ANO4: variants seen among roughly 807,000 people sequenced by gnomAD.
ANO4 encodes anoctamin 4, also known as anoctamin-4.
A neutral mutation model predicts 141.9 loss-of-function variants in ANO4; 69 were observed. The observed-to-expected ratio is 0.49, with a 90% CI of 0.40 to 0.59. ANO4 has a LOEUF of 0.59. ANO4 is among the 20% of genes least tolerant of loss of function. ANO4 has a pLI of 0.00. For missense variants in ANO4, 894 were observed against 1,162.2 expected, an observed-to-expected ratio of 0.77 and a Z score of 3.36; for synonymous variants, 350 against 394.3, an observed-to-expected ratio of 0.89 and a Z score of 1.33.
chr12:100,776,001 A>C (rs2033489558), intron 3 of ANO4, among the ~76,000 whole-genome samples: 1 of 152,202 alleles, frequency 6.6e-6, no homozygotes, highest in Admixed American at 6.5e-5. Flanking sequence ...AAAAGCTAAC[A>C]GGCTGAATGA....
intron 1 of ANO4, among the ~76,000 whole-genome samples, chr12:100,870,058 A>G (rs2038955881): frequency 6.6e-6 from 1 of 152,204 alleles, no homozygotes; most frequent in Non-Finnish European, 1.5e-5. Flanking sequence ...AGAAAACAGA[A>G]TGCTCAAATT....
rs1050924259 is a variant in ANO4 at position 100,925,061 on chromosome 12, A to G, written c.160+2731A>G. On this transcript the variant is annotated intron_variant, in intron 3 of 27. Transcript: ENST00000392977. ...CCCTTTATAAGTTTATGCATTTTCT[A>G]TTGCTTTGGAACTAATTTATTTTCT... is the stretch of plus-strand genomic sequence containing the variant. Among the ~76,000 whole-genome samples, 8 of 152,192 alleles carry G rather than the reference A, an allele frequency of 5.3e-5. No homozygotes were observed. The East Asian group carries it at 1.2e-3, about 22-fold the overall frequency.
intron 1 of ANO4, among the ~76,000 whole-genome samples, chr12:100,803,822 C>T (rs905675066): frequency 6.6e-6 from 1 of 152,128 alleles, no homozygotes; most frequent in East Asian, 1.9e-4. Flanking sequence ...TAGCACAGTG[C>T]CTGCAAGATG....
At position 101,078,841 on chromosome 12, in the gene ANO4, A is replaced by T. The variant is rs117036923; in HGVS notation, c.1313-352A>T. Reference sequence around the variant, plus strand: ...AGGCAATAGAAAAAATAAAATAAAAAAAAATAAATGCTGTATCAATTAGAT... The same window carrying T: ...AGGCAATAGAAAAAATAAAATAAAATAAAATAAATGCTGTATCAATTAGAT... On this transcript the variant is annotated intron_variant, in intron 14 of 27. Transcript: ENST00000392977. Among the ~76,000 whole-genome samples, 170 of 152,340 alleles carry T rather than the reference A, an allele frequency of 1.1e-3. No individual in the cohort carries two copies. The East Asian group carries it at 0.019, about 17-fold the overall frequency.
At chr12:100,923,468 A>G (rs189536831) in intron 3 of ANO4, among the ~76,000 whole-genome samples, 71 of 151,272 alleles carry the variant, frequency 4.7e-4, no homozygotes, top group African/African-American at 1.6e-3. Flanking sequence ...ACATGAACTC[A>G]TCCTTTTTTA....
intron 8 of ANO4, among the ~76,000 whole-genome samples, chr12:100,989,750 TATGG>T (rs370125379): frequency 0.6 from 67,282 of 112,822 alleles, 17,761 homozygotes; most frequent in Non-Finnish European, 0.61. Context: ...TGGATGGATA[TATGG>T]ATGGATGGAT....
Position 100,733,887 on chromosome 12 carries a change from A to G in ANO4, c.106+30A>G, listed in dbSNP as rs193263021. 6.4e-4 allele frequency: 431 copies of G among 676,536 alleles called. 1 individual carries two copies. The highest frequency in any genetic ancestry group is 9.4e-4 in the East Asian group (34 of 36,208). The allele number at this position is 676,536 out of a possible 1,614,324, so 41.9% of individuals were successfully genotyped here. A position where few individuals can be genotyped will look rare whatever the true frequency, so the allele number is the denominator to read the frequency against. ...GCACTAGTGTCATTTTGATTTTTTT[A>G]AAAAAATATTATTGCCTGGAAAAGC... On this transcript the variant is annotated intron_variant, in intron 2 of 29. Transcript: ENST00000644049.
intron 14 of ANO4, among the ~76,000 whole-genome samples, chr12:101,066,035 A>G (rs546505240): frequency 6.6e-6 from 1 of 152,332 alleles, no homozygotes; most frequent in African/African-American, 2.4e-5. Context: ...AATTGATGAC[A>G]AAGAAAGAAT....
chr12:101,032,494 G>C (rs1023266800), intron 9 of ANO4, among the ~76,000 whole-genome samples: 4 of 152,264 alleles, frequency 2.6e-5, no homozygotes, highest in African/African-American at 9.6e-5. Context: ...AAGAGCTTCT[G>C]CACAGCAAAA....
chr12:100,936,431 G>C lies in ANO4; in HGVS notation c.161-2884G>C, dbSNP rs1875583. Reference sequence around the variant, plus strand: ...TATATCTCCAAACAATGTCAAATATGGTCTGGGAGACAAAACTGGTCCCAG... The same window carrying C: ...TATATCTCCAAACAATGTCAAATATCGTCTGGGAGACAAAACTGGTCCCAG... On this transcript the variant is annotated intron_variant, in intron 3 of 27. Coordinates refer to ENST00000392977, the MANE Select transcript of ANO4 (RefSeq NM_001286615.2). Among the ~76,000 whole-genome samples the C allele has an allele frequency of 3.6e-3, 545 of 152,198 alleles. 2 individuals carry two copies. The highest frequency in any genetic ancestry group is 8.9e-3 in the African/African-American group (368 of 41,524).
intron 14 of ANO4, among the ~76,000 whole-genome samples, chr12:101,063,715 A>G (rs1220834580): frequency 1.1e-5 from 1 of 87,622 alleles, no homozygotes; most frequent in East Asian, 3.6e-4. Context: ...AATCTTAGTC[A>G]TTTAATGGAT....
chr12:101,026,464 T>G (rs182933260), intron 9 of ANO4, among the ~76,000 whole-genome samples: 119 of 152,314 alleles, frequency 7.8e-4, no homozygotes, highest in Non-Finnish European at 1.5e-3. Flanking sequence ...CAAATTGATC[T>G]ATAGATTCAG....
chr12:101,044,534 A>G (rs1050262071), intron 13 of ANO4, among the ~76,000 whole-genome samples: 3 of 152,234 alleles, frequency 2.0e-5, no homozygotes, highest in African/African-American at 4.8e-5. Context: ...AGATTCAGAT[A>G]TAAATGGCAT....
intron 1 of ANO4, among the ~76,000 whole-genome samples, chr12:100,817,555 C>T (rs1403083074): frequency 6.6e-6 from 1 of 151,848 alleles, no homozygotes; most frequent in Non-Finnish European, 1.5e-5. Flanking sequence ...TACCGAGTCT[C>T]CTTACCAAAG....
At chr12:100,729,267 A>G (rs1176365886) in intron 1 of ANO4, among the ~76,000 whole-genome samples, 1 of 148,416 alleles carries the variant, frequency 6.7e-6, no homozygotes, top group Non-Finnish European at 1.5e-5. Context: ...TCTTATAAGT[A>G]TGAAATAAAA....
At chr12:100,747,809 G>A (rs2032182084) in intron 3 of ANO4, among the ~76,000 whole-genome samples, 1 of 152,216 alleles carries the variant, frequency 6.6e-6, no homozygotes, top group Non-Finnish European at 1.5e-5. Flanking sequence ...GGAGGTGAAG[G>A]TTGCAGTGAT....
At position 100,860,263 on chromosome 12, in the gene ANO4, G is replaced by T. The variant is rs2038400880; in HGVS notation, c.-140-41383G>T. Among the ~76,000 whole-genome samples the T allele has an allele frequency of 3.9e-5, 6 of 152,164 alleles. No homozygotes were observed. In the South Asian group the frequency reaches 1.2e-3, roughly 32 times the overall value. On this transcript the variant is annotated intron_variant, in intron 1 of 27. Transcript: ENST00000392977. ...ATTAGGGGGAAATTCTGATGCTAAA[G>T]CTTGGCCAGTGTATAGTTATTAATT...
intron 9 of ANO4, among the ~76,000 whole-genome samples, chr12:101,034,911 A>G (rs1436606033): frequency 6.6e-6 from 1 of 152,192 alleles, no homozygotes; most frequent in Non-Finnish European, 1.5e-5. Flanking sequence ...TGACCATACC[A>G]TGTGGAGGAC....
At chr12:101,106,278 G>C (rs1453013422) in intron 22 of ANO4, among the ~76,000 whole-genome samples, 1 of 152,064 alleles carries the variant, frequency 6.6e-6, no homozygotes, top group African/African-American at 2.4e-5. Context: ...TGAAATATTT[G>C]TAAGAGAAGT....
Sources: allele counts gnomAD v4.1 joint callset (sites outside exome capture counted in the v4.1 genomes callset), GRCh38; gene constraint gnomAD v4.1.1; transcripts MANE v1.5; gene names NCBI Gene and HGNC (gene_info 2026-07-23, HGNC 2026-07-21).